Variants in FAM120B observed in about 807,000 individuals in gnomAD.
FAM120B encodes the protein family with sequence similarity 120 member B.
A neutral mutation model predicts 96.3 loss-of-function variants in FAM120B; 83 were observed. The observed-to-expected ratio is 0.86, with a 90% confidence interval of 0.72 to 1.03. The LOEUF is 1.03. FAM120B is among the 50% of genes least tolerant of loss of function. FAM120B has a pLI of 0.00. For missense variants in FAM120B, 1,027 were observed against 1,121.2 expected (o/e 0.92, Z 1.20); for synonymous variants, 407 against 402.7 (o/e 1.01, Z -0.13).
chr6:170,375,695 GAGGTCCTTC>G (rs1373348960), intron 6 of FAM120B, among the ~76,000 whole-genome samples: 1 of 152,186 alleles, frequency 6.6e-6, no homozygotes, highest in African/African-American at 2.4e-5. Flanking sequence ...ATATGGCAAG[GAGGTCCTTC>G]AGAGAGCTCA....
intron 6 of FAM120B, among the ~76,000 whole-genome samples, chr6:170,368,823 G>GGC (rs1554287949): frequency 1.4e-4 from 17 of 125,212 alleles, no homozygotes; most frequent in Non-Finnish European, 2.5e-4. Context: ...CCGGGGCTGG[G>GGC]GGGGGGGCTC....
intron 1 of FAM120B, chr6:170,298,147 T>G (rs1301519581): frequency 6.6e-6 from 1 of 152,230 alleles, no homozygotes; most frequent in Non-Finnish European, 1.5e-5. Context: ...CCAAGCTCTT[T>G]CTTTCCTTTC....
intron 4 of FAM120B, among the ~76,000 whole-genome samples, chr6:170,336,079 T>A (rs1245401085): frequency 6.6e-6 from 1 of 152,242 alleles, no homozygotes; most frequent in Non-Finnish European, 1.5e-5. Context: ...ATTTTGGCTT[T>A]TGTCACAATT....
chr6:170,362,685 T>C (rs1168629582), intron 6 of FAM120B, among the ~76,000 whole-genome samples: 2 of 134,600 alleles, frequency 1.5e-5, no homozygotes, highest in Non-Finnish European at 3.1e-5. Context: ...TTCTTTTTTC[T>C]TTTTTTTTTT....
At chr6:170,298,722 T>C (rs1784077778) in intron 1 of FAM120B, among the ~76,000 whole-genome samples, 1 of 152,210 alleles carries the variant, frequency 6.6e-6, no homozygotes, top group Non-Finnish European at 1.5e-5. Context: ...AGACTGTTCT[T>C]ATTCCTGTTA....
At chr6:170,341,356 C>G (rs113534610) in intron 4 of FAM120B, among the ~76,000 whole-genome samples, 5 of 152,190 alleles carry the variant, frequency 3.3e-5, no homozygotes, top group Non-Finnish European at 7.3e-5. Context: ...CCACCAAGCT[C>G]GATCGTCCCA....
rs1363759206 is a variant in FAM120B, at chr6:170,406,124, G to A, written c.*1373G>A. On this transcript the variant is annotated 3_prime_UTR_variant, in exon 11 of 11. Coordinates refer to ENST00000476287, the MANE Select transcript of FAM120B (RefSeq NM_032448.3). ...TACTGAGCTGTACCTGTGGGAAAAGGAATGGCCAGGGTATTGATGATGGAA... is the reference window on the plus strand; with the variant it reads ...TACTGAGCTGTACCTGTGGGAAAAGAAATGGCCAGGGTATTGATGATGGAA... The A allele has an allele frequency of 1.3e-5, 2 of 152,374 alleles. No homozygotes were observed. The highest frequency in any genetic ancestry group is 4.1e-4 in the South Asian group (2 of 4,828). The allele number at this position is 152,374 out of a possible 1,614,324, so 9.4% of individuals were successfully genotyped here. A position where few individuals can be genotyped will look rare whatever the true frequency, so the allele number is the denominator to read the frequency against.
intron 9 of FAM120B, among the ~76,000 whole-genome samples, chr6:170,402,343 A>G (rs556375517): frequency 6.6e-6 from 1 of 152,318 alleles, no homozygotes; most frequent in East Asian, 1.9e-4. Flanking sequence ...TAGTACGCAC[A>G]CCTGTAAGTA....
upstream of FAM120B, among the ~76,000 whole-genome samples, chr6:170,291,427 A>T (rs1209807216): frequency 2.0e-5 from 3 of 151,412 alleles, no homozygotes; most frequent in Admixed American, 2.0e-4. Flanking sequence ...GGGCTTGGGG[A>T]GGGCGGCTGC....
chr6:170,372,926 T>C (rs1389866067), intron 6 of FAM120B, among the ~76,000 whole-genome samples: 1 of 152,106 alleles, frequency 6.6e-6, no homozygotes, highest in Admixed American at 6.5e-5. Context: ...GTATTCATAA[T>C]GTTTTCCCTC....
chr6:170,378,194 C>T (rs999138737), intron 6 of FAM120B, among the ~76,000 whole-genome samples: 6 of 152,200 alleles, frequency 3.9e-5, no homozygotes, highest in African/African-American at 7.2e-5. Context: ...GTTGAAAGAA[C>T]GCTCTTGCCA....
chr6:170,379,634 G>T (rs1789787675), intron 6 of FAM120B, among the ~76,000 whole-genome samples: 1 of 152,110 alleles, frequency 6.6e-6, no homozygotes, highest in African/African-American at 2.4e-5. Context: ...ATAAAAAGGG[G>T]GTTAAATTAC....
At chr6:170,305,991 T>A (rs903992760), upstream of FAM120B, among the ~76,000 whole-genome samples, 1 of 152,124 alleles carries the variant, frequency 6.6e-6, no homozygotes, top group Admixed American at 6.5e-5. Flanking sequence ...CCACCATGTA[T>A]CCACAGCAGC....
At position 170,347,672 on chromosome 6, in the gene FAM120B, A is replaced by C. The variant is rs116151543; in HGVS notation, c.2018-479A>C. ...TGTCTAATCAAATCAGAGTTTCTGC[A>C]TATAGATCCCAGGAAAATGCATTTT... On this transcript the variant is annotated intron_variant, in intron 4 of 10. Coordinates refer to ENST00000476287, the MANE Select transcript of FAM120B (RefSeq NM_032448.3). Among the ~76,000 whole-genome samples, 426 of 152,304 alleles carry C rather than the reference A, an allele frequency of 2.8e-3. 1 individual carries two copies. Among genetic ancestry groups the C allele is most frequent in the African/African-American group, 9.7e-3 (404 of 41,554 alleles).
At chr6:170,379,671 A>AT (rs1789790460) in intron 6 of FAM120B, among the ~76,000 whole-genome samples, 1 of 152,176 alleles carries the variant, frequency 6.6e-6, no homozygotes, top group East Asian at 1.9e-4. Flanking sequence ...TTTTTATATT[A>AT]TTTTGAAAAC....
chr6:170,368,574 G>T lies in FAM120B; in HGVS notation c.2283+10256G>T, dbSNP rs776873462. Among the ~76,000 whole-genome samples, 52 of 152,170 alleles carry T rather than the reference G, an allele frequency of 3.4e-4. No homozygotes were observed. In the Middle Eastern group the frequency reaches 0.021, roughly 60 times the overall value. On this transcript the variant is annotated intron_variant, in intron 6 of 10. Transcript: ENST00000476287. ...TTTTCAAGGAGATATTTACAAAAAT[G>T]TTTTTACTTCCCTACACAAGTTCAC...
In FAM120B at chr6:170,323,167, A is replaced by G. The variant is rs1785404302; in HGVS notation, c.1823A>G (p.Glu608Gly). The G allele has an allele frequency of 3.7e-6, 6 of 1,614,064 alleles. No individual in the cohort carries two copies. The African/African-American group carries it at 4.0e-5, about 11-fold the overall frequency. Residue 608 changes from glutamate (E) to glycine (G), a missense_variant, in exon 3 of 11, where the codon GAA becomes GGA. By Grantham distance (98) the Glu-to-Gly change is moderately conservative (BLOSUM62 -2). This residue lies in a region of FAM120B where 880 missense variants were observed against 980.9 expected (regional missense o/e 0.90). Transcript: ENST00000476287. ...GAGATTGAATGCAGCAACACCCTAGAAGATGAGCTTGACCAGGCCTTACCC... is the reference window on the plus strand; with the variant it reads ...GAGATTGAATGCAGCAACACCCTAGGAGATGAGCTTGACCAGGCCTTACCC... ...SGEIECSNTL[E>G]DELDQALPSQ... is the part of the protein sequence containing the mutation.
intron 6 of FAM120B, among the ~76,000 whole-genome samples, chr6:170,374,293 G>C (rs1041902621): frequency 6.6e-6 from 1 of 152,152 alleles, no homozygotes; most frequent in Non-Finnish European, 1.5e-5. Flanking sequence ...AGAAATAAAA[G>C]AGGTAAATTA....
At chr6:170,333,980 C>G (rs1786245729) in intron 4 of FAM120B, among the ~76,000 whole-genome samples, 1 of 152,162 alleles carries the variant, frequency 6.6e-6, no homozygotes, top group South Asian at 2.1e-4. Context: ...ACTGCCTGCT[C>G]TCACTCCCTT....
Sources: gnomAD v4.1 joint callset for allele counts (sites outside exome capture counted in the v4.1 genomes callset) on GRCh38, gnomAD v4.1.1 for gene constraint, gnomAD v4.1.1 regional missense constraint, MANE v1.5 for transcripts, NCBI Gene and HGNC (gene_info 2026-07-23, HGNC 2026-07-21) for gene names.